The following MELK variants were observed in gnomAD, a reference collection of about 807,000 sequenced individuals.
MELK encodes the protein maternal embryonic leucine zipper kinase.
A neutral mutation model predicts 85.0 loss-of-function variants in MELK; 81 were observed. That is an observed-to-expected ratio of 0.95 (90% confidence interval 0.80 to 1.15). The LOEUF is 1.15. Ranked by LOEUF, MELK falls within the 50% of genes most tolerant of loss-of-function variation. The pLI is 0.00. For missense variants in MELK, 754 were observed against 777.5 expected (o/e 0.97, Z 0.36); for synonymous variants, 252 against 265.0 (o/e 0.95, Z 0.48).
chr9:36,597,385 G>A, intron 6 of MELK, 95 bp downstream of exon 6: 1 of 1,156,842 alleles, frequency 8.6e-7, no homozygotes, highest in Non-Finnish European at 1.3e-6. Context: ...TCTTTATTGA[G>A]CTTGGTTGCA....
At chr9:36,641,768 T>C (rs1307166766) in intron 10 of MELK, among the ~76,000 whole-genome samples, 1 of 151,862 alleles carries the variant, frequency 6.6e-6, no homozygotes, top group Non-Finnish European at 1.5e-5. Flanking sequence ...CCACCACGCC[T>C]GGCTAATTTT....
At chr9:36,674,447 A>G (rs577629715) in intron 16 of MELK, among the ~76,000 whole-genome samples, 1 of 152,326 alleles carries the variant, frequency 6.6e-6, no homozygotes, top group African/African-American at 2.4e-5. Context: ...CAAACTTTGT[A>G]TGGTGTTTGT....
intron 11 of MELK, among the ~76,000 whole-genome samples, chr9:36,647,212 A>C (rs1480264784): frequency 6.6e-6 from 1 of 152,194 alleles, no homozygotes; most frequent in Non-Finnish European, 1.5e-5. Flanking sequence ...TAAAACTCTT[A>C]GCACTATCCA....
intron 13 of MELK, among the ~76,000 whole-genome samples, chr9:36,664,309 CT>C (rs778689273): frequency 2.4e-4 from 36 of 151,962 alleles, no homozygotes; most frequent in Non-Finnish European, 4.6e-4. Context: ...GCTCATAGTG[CT>C]TGTGTCTTTT....
chr9:36,594,532 A>G lies in MELK; in HGVS notation c.262-96A>G, dbSNP rs1006408518. 9 of 1,412,752 alleles carry G rather than the reference A, an allele frequency of 6.4e-6. No individual in the cohort carries two copies. The African/African-American group carries it at 1.3e-4, about 20-fold the overall frequency. 87.5% of individuals were successfully genotyped at this position (1,412,752 alleles called of 1,614,324 possible). A position where few individuals can be genotyped will look rare whatever the true frequency, so the allele number is the denominator to read the frequency against. ...TTCCATTCCCTATAAAGTCGAATTA[A>G]TAATATCTCTGAGTTAAGTGTACTT... On this transcript the variant is annotated intron_variant, in intron 4 of 17. Coordinates refer to ENST00000298048, the MANE Select transcript of MELK (RefSeq NM_014791.4).
At chr9:36,648,799 C>T (rs1032632884) in intron 11 of MELK, among the ~76,000 whole-genome samples, 1 of 152,084 alleles carries the variant, frequency 6.6e-6, no homozygotes, top group Non-Finnish European at 1.5e-5. Flanking sequence ...TTGAGCAGCC[C>T]CATCATACAC....
intron 1 of MELK, among the ~76,000 whole-genome samples, chr9:36,579,842 AAATC>A (rs1403183861): frequency 6.6e-6 from 1 of 152,188 alleles, no homozygotes; most frequent in Non-Finnish European, 1.5e-5. Flanking sequence ...CAGGGAGACA[AAATC>A]AATAAGATCT....
chr9:36,593,241 A>C lies in MELK; in HGVS notation c.262-1387A>C, dbSNP rs138892956. 3.2e-3 allele frequency among the ~76,000 whole-genome samples: 481 copies of C among 148,928 alleles called. 3 individuals are homozygous for C. Among genetic ancestry groups the C allele is most frequent in the Middle Eastern group, 0.02 (6 of 294 alleles). On this transcript the variant is annotated intron_variant, in intron 4 of 17. Transcript: ENST00000298048. ...TCCGTGTCATAGTTTATATAGTATCAGCATTTAGGTCTGAATGCTGTTATT... is the reference window on the plus strand; with the variant it reads ...TCCGTGTCATAGTTTATATAGTATCCGCATTTAGGTCTGAATGCTGTTATT...
At chr9:36,581,471 G>A (rs1822234252) in intron 1 of MELK, among the ~76,000 whole-genome samples, 173 bp from the exon 2 acceptor site, 2 of 151,732 alleles carry the variant, frequency 1.3e-5, no homozygotes, top group Admixed American at 1.3e-4. Flanking sequence ...AGTCTATCTG[G>A]AATTCATTTT....
At chr9:36,608,256 C>T (rs552620597) in intron 8 of MELK, among the ~76,000 whole-genome samples, 2 of 111,902 alleles carry the variant, frequency 1.8e-5, no homozygotes, top group African/African-American at 3.7e-5. Context: ...CCAGCCTGGG[C>T]GACAGAGCAA....
chr9:36,671,826 T>C (rs552729774), intron 16 of MELK, among the ~76,000 whole-genome samples: 1 of 152,246 alleles, frequency 6.6e-6, no homozygotes, highest in East Asian at 1.9e-4. Context: ...TGAATACATG[T>C]TTGTTTGGTG....
intron 13 of MELK, among the ~76,000 whole-genome samples, chr9:36,659,879 G>A (rs149788055): frequency 2.6e-5 from 4 of 152,106 alleles, no homozygotes; most frequent in Admixed American, 6.6e-5. Flanking sequence ...AGTTCACTGC[G>A]ATTTTCGCCT....
intron 16 of MELK, 118 bp downstream of exon 16, chr9:36,671,284 A>G: frequency 8.6e-7 from 1 of 1,161,652 alleles, no homozygotes; most frequent in South Asian, 2.4e-5. Flanking sequence ...TTATTCACTT[A>G]GTTAATATAT....
At chr9:36,635,927 G>A (rs1012830665) in intron 10 of MELK, among the ~76,000 whole-genome samples, 3 of 151,362 alleles carry the variant, frequency 2.0e-5, no homozygotes, top group Non-Finnish European at 4.4e-5. Context: ...CTCCCGAGTA[G>A]CTGGGACTAC....
At chr9:36,610,811 A>G (rs1464084109) in intron 8 of MELK, among the ~76,000 whole-genome samples, 1 of 152,184 alleles carries the variant, frequency 6.6e-6, no homozygotes, top group African/African-American at 2.4e-5. Context: ...ACATTTATCC[A>G]GTTATACTTT....
At position 36,650,269 on chromosome 9, in the gene MELK, A is replaced by AT. The variant is rs542879690; in HGVS notation, c.922-1477_922-1476insT. On this transcript the variant is annotated intron_variant, in intron 11 of 17. Coordinates refer to ENST00000298048, the MANE Select transcript of MELK (RefSeq NM_014791.4). Reference sequence around the variant, plus strand: ...CTATTTTATTAAAAATTAAAAAAAAAATTTAAGATTAAAAACAAAAAAGAG... The same window carrying AT: ...CTATTTTATTAAAAATTAAAAAAAAATATTTAAGATTAAAAACAAAAAAGAG... 8.6e-5 allele frequency among the ~76,000 whole-genome samples: 13 copies of AT among 151,726 alleles called. No homozygotes were observed. The South Asian group carries it at 2.7e-3, about 32-fold the overall frequency.
At chr9:36,586,237 C>A (rs752822219) in intron 3 of MELK, among the ~76,000 whole-genome samples, 5 of 151,176 alleles carry the variant, frequency 3.3e-5, no homozygotes, top group Admixed American at 6.6e-5. Flanking sequence ...CAGCTACTTG[C>A]GGGGCTGAGG....
intron 8 of MELK, among the ~76,000 whole-genome samples, chr9:36,624,895 G>A (rs994764325): frequency 5.5e-4 from 84 of 152,016 alleles, no homozygotes; most frequent in African/African-American, 2.0e-3. Context: ...ACCAGAAAGG[G>A]CTGAAACCTG....
intron 8 of MELK, among the ~76,000 whole-genome samples, chr9:36,616,545 G>T (rs1440804004): frequency 2.0e-5 from 3 of 151,540 alleles, no homozygotes; most frequent in African/African-American, 7.3e-5. Context: ...TCCCACCACC[G>T]CGCCTAGCTA....
Sources: allele counts gnomAD v4.1 joint callset (sites outside exome capture counted in the v4.1 genomes callset), GRCh38; gene constraint gnomAD v4.1.1; transcripts MANE v1.5; gene names NCBI Gene and HGNC (gene_info 2026-07-23, HGNC 2026-07-21).